Variants in ADAMTS7 observed in about 807,000 individuals in gnomAD.
ADAMTS7 encodes the protein ADAM metallopeptidase with thrombospondin type 1 motif 7, also known as A disintegrin and metalloproteinase with thrombospondin motifs 7.
ADAMTS7 carries 89 observed loss-of-function variants against 172.6 expected under a neutral mutation model. The ratio of observed to expected loss-of-function variants is 0.52; its 90% CI spans 0.43 to 0.61. The LOEUF (loss-of-function observed/expected upper bound fraction) is 0.61. Among genes scored for constraint, ADAMTS7 ranks in the 20% least tolerant of loss-of-function variants. ADAMTS7 has a pLI of 0.00. For missense variants in ADAMTS7, 1,973 were observed against 2,355.6 expected (o/e 0.84, Z 3.36); for synonymous variants, 885 against 978.4 (o/e 0.90, Z 1.78).
intron 8 of ADAMTS7, among the ~76,000 whole-genome samples, chr15:78,781,625 C>G (rs538796899): frequency 1.3e-5 from 2 of 152,332 alleles, no homozygotes; most frequent in African/African-American, 4.8e-5. Context: ...ACTTGTCTGT[C>G]TGTCTGTCTG....
At chr15:78,768,112 G>C (rs1177635325) in intron 17 of ADAMTS7, 21 bp downstream of exon 17, 2 of 1,188,612 alleles carry the variant, frequency 1.7e-6, no homozygotes, top group Non-Finnish European at 2.1e-6. Context: ...GGGAGTTGGC[G>C]GGGGATGGGG....
At position 78,771,139 on chromosome 15, in the gene ADAMTS7, G is replaced by A. The variant is rs190873686; in HGVS notation, c.2518+23C>T. On this transcript the variant is annotated intron_variant, in intron 16 of 23. Coordinates refer to ENST00000388820, the MANE Select transcript of ADAMTS7 (RefSeq NM_014272.5). The surrounding 1 kb of genome is among the most constrained non-coding windows in gnomAD (Gnocchi z 4.9). ...CAGACACTAAGCCCCTGCAGGTGGG[G>A]CTGTGCCTGCCCCACTTCTCACCTC... 6.3e-4 allele frequency: 1,003 copies of A among 1,583,848 alleles called. No homozygotes were observed. The highest frequency in any genetic ancestry group is 1.3e-3 in the Admixed American group (77 of 57,288).
Position 78,776,831 on chromosome 15 carries a change from T to C in ADAMTS7, c.1478A>G (p.His493Arg). Residue 493 changes from histidine to arginine, a missense_variant, in exon 10 of 24, where the codon CAC (histidine) becomes CGC (arginine). Physicochemically the swap from His to Arg is conservative, Grantham distance 29. Around this residue, in one of 8 missense-constraint regions of ADAMTS7, gnomAD observed 526 missense variants for 662.9 expected, o/e 0.79. Transcript: ENST00000388820. The part of the protein sequence containing the change: ...AFCEDMDNVC[H>R]TLWCSVGTTC... ...GGTCCCCACAGAGCACCAGAGTGTG[T>C]GGCAGACATTCTGCGAGGAGGAGGG... The C allele has an allele frequency of 6.5e-7, 1 of 1,544,554 alleles. No homozygotes were observed. Among genetic ancestry groups the C allele is most frequent in the Non-Finnish European group, 8.8e-7 (1 of 1,142,334 alleles).
intron 14 of ADAMTS7, among the ~76,000 whole-genome samples, 175 bp downstream of exon 14, chr15:78,772,908 A>G (rs997354600): frequency 5.3e-5 from 8 of 152,236 alleles, no homozygotes; most frequent in African/African-American, 1.2e-4. Context: ...AGGTCTCTGC[A>G]CATGGGCCAG....
chr15:78,790,308 A>C (rs906743432), intron 6 of ADAMTS7, among the ~76,000 whole-genome samples: 6 of 152,158 alleles, frequency 3.9e-5, no homozygotes, highest in African/African-American at 1.4e-4. Context: ...ACACACACAC[A>C]AAGGGAAGTA....
chr15:78,774,300 A>G lies in ADAMTS7; in HGVS notation c.1877T>C (p.Val626Ala), dbSNP rs1282354434. 3.2e-6 allele frequency: 5 copies of G among 1,569,174 alleles called. No homozygotes were observed. The highest frequency in any genetic ancestry group is 1.7e-6 in the Non-Finnish European group (2 of 1,166,716). The change falls in exon 13 of 24, where the codon GTG becomes GCG. Residue 626 changes from valine to alanine, a missense_variant and splice_region_variant. Physicochemically the swap from Val to Ala is moderately conservative, Grantham distance 64. This residue lies in a region of ADAMTS7 where 526 missense variants were observed against 662.9 expected (regional missense o/e 0.79). Transcript: ENST00000388820. Reference sequence around the variant, plus strand: ...CCGGCAGTGCAGCTCGCAGGGGTTCACTGAGGGCCCAAGTAGAAGAGTCAT... The same window carrying G: ...CCGGCAGTGCAGCTCGCAGGGGTTCGCTGAGGGCCCAAGTAGAAGAGTCAT... ...LHTWVPVVND[V>A]NPCELHCRPA...
intron 1 of ADAMTS7, among the ~76,000 whole-genome samples, chr15:78,806,125 CACAAAAAAAA>C (rs2055790719): frequency 4.4e-4 from 8 of 18,376 alleles, no homozygotes; most frequent in African/African-American, 1.1e-3. Context: ...CACACACACA[CACAAAAAAAA>C]AAAAAAAAAA....
intron 8 of ADAMTS7, among the ~76,000 whole-genome samples, chr15:78,778,082 G>A (rs2055378206): frequency 6.6e-6 from 1 of 152,250 alleles, no homozygotes; most frequent in African/African-American, 2.4e-5. Flanking sequence ...TCCCCTGGGA[G>A]AGAGCCCAGG....
intron 16 of ADAMTS7, 77 bp from the exon 17 acceptor site, chr15:78,768,336 A>G (rs2055194365): frequency 6.3e-7 from 1 of 1,593,776 alleles, no homozygotes; most frequent in Non-Finnish European, 8.5e-7. Context: ...CCTCTCTGCC[A>G]GAACCCTCCC....
At chr15:78,761,113 GTGGGGGCGCTGCCAC>G (rs1346095262) in intron 23 of ADAMTS7, among the ~76,000 whole-genome samples, 2 of 152,248 alleles carry the variant, frequency 1.3e-5, no homozygotes, top group Admixed American at 6.5e-5. Flanking sequence ...GCAGGACAGG[GTGGGGGCGCTGCCAC>G]TGGGCCTTGA....
intron 1 of ADAMTS7, among the ~76,000 whole-genome samples, chr15:78,810,137 C>T (rs2055845296): frequency 6.6e-6 from 1 of 152,236 alleles, no homozygotes; most frequent in South Asian, 2.1e-4. Context: ...AACCCTAATC[C>T]AGTCCCCCGA....
intron 16 of ADAMTS7, chr15:78,770,587 G>C (rs2055230584): frequency 7.2e-6 from 1 of 139,544 alleles, no homozygotes; most frequent in African/African-American, 2.8e-5. Flanking sequence ...GGGGGTACTG[G>C]AGGGCTGGAG....
At chr15:78,783,123 A>T (rs188669820) in intron 8 of ADAMTS7, among the ~76,000 whole-genome samples, 4 of 152,328 alleles carry the variant, frequency 2.6e-5, no homozygotes, top group Non-Finnish European at 5.9e-5. Flanking sequence ...ATGACCTCAG[A>T]TACTGAAATT....
Position 78,811,280 on chromosome 15 carries a change from G to C in ADAMTS7, c.-60C>G, listed in dbSNP as rs947004283. 7.5e-5 allele frequency: 91 copies of C among 1,219,976 alleles called. No individual in the cohort carries two copies. Among genetic ancestry groups the C allele is most frequent in the Non-Finnish European group, 9.1e-5 (89 of 980,416 alleles). The allele number at this position is 1,219,976 out of a possible 1,614,324, so 75.6% of individuals were successfully genotyped here. A position where few individuals can be genotyped will look rare whatever the true frequency, so the allele number is the denominator to read the frequency against. Reference sequence around the variant, plus strand: ...CGCACGCTCTCGTCCGTCCCGTCCGGTCGCTGCCTGGTCCCAGGTCCGGCT... The same window carrying C: ...CGCACGCTCTCGTCCGTCCCGTCCGCTCGCTGCCTGGTCCCAGGTCCGGCT... On this transcript the variant is annotated 5_prime_UTR_variant, in exon 1 of 24. Transcript: ENST00000388820.
intron 20 of ADAMTS7, 25 bp from the exon 21 acceptor site, chr15:78,764,124 A>G: frequency 1.3e-6 from 2 of 1,499,434 alleles, no homozygotes; most frequent in Non-Finnish European, 1.8e-6. Flanking sequence ...ACGTGTATGG[A>G]CACATCCCCA....
chr15:78,800,058 G>A (rs1157903986), intron 2 of ADAMTS7, 134 bp downstream of exon 2: 12 of 759,050 alleles, frequency 1.6e-5, no homozygotes, highest in Non-Finnish European at 2.5e-5. Flanking sequence ...CACTTTACAG[G>A]CGTGAATACC....
intron 23 of ADAMTS7, among the ~76,000 whole-genome samples, chr15:78,759,935 C>T (rs7182642): frequency 0.29 from 43,745 of 152,026 alleles, 7,497 homozygotes; most frequent in Middle Eastern, 0.4. Flanking sequence ...CGGACAGATC[C>T]TGGCACAGAA....
At chr15:78,802,541 G>A (rs778126097) in intron 1 of ADAMTS7, among the ~76,000 whole-genome samples, 4 of 152,142 alleles carry the variant, frequency 2.6e-5, no homozygotes, top group Non-Finnish European at 5.9e-5. Flanking sequence ...AAAGGTTCCA[G>A]GGATGGAAAA....
chr15:78,779,482 T>G (rs2055399834), intron 8 of ADAMTS7, among the ~76,000 whole-genome samples: 1 of 152,088 alleles, frequency 6.6e-6, no homozygotes, highest in South Asian at 2.1e-4. Context: ...CTCCTCCCAT[T>G]CAACTGCGAG....
Sources: gnomAD v4.1 joint callset for allele counts (sites outside exome capture counted in the v4.1 genomes callset) on GRCh38, gnomAD v4.1.1 for gene constraint, gnomAD v4.1.1 regional missense constraint, Gnocchi (gnomAD v3.1) non-coding constraint, MANE v1.5 for transcripts, NCBI Gene and HGNC (gene_info 2026-07-23, HGNC 2026-07-21) for gene names.